The following NCOA3 variants were observed in gnomAD, a reference collection of about 807,000 sequenced individuals.
NCOA3 encodes nuclear receptor coactivator 3, also known as CBP-interacting protein.
In NCOA3, 51 loss-of-function variants were observed where a neutral mutation model predicts 158.8. The observed-to-expected ratio is 0.32, with a 90% confidence interval of 0.26 to 0.41. The LOEUF is 0.41. Among genes scored for constraint, NCOA3 ranks in the 10% least tolerant of loss-of-function variants. The pLI is 1.00. For synonymous variants in NCOA3, 537 were observed against 592.4 expected, an observed-to-expected ratio of 0.91 and a Z score of 1.36; for missense variants, 1,510 against 1,746.6, an observed-to-expected ratio of 0.86 and a Z score of 2.41.
At chr20:47,518,561 G>A (rs1249901632) in intron 1 of NCOA3, among the ~76,000 whole-genome samples, 1 of 151,654 alleles carries the variant, frequency 6.6e-6, no homozygotes, top group African/African-American at 2.4e-5. Context: ...GAGTAGCTGG[G>A]ATTACAGGCA....
chr20:47,535,544 T>C (rs1309128760), intron 1 of NCOA3, among the ~76,000 whole-genome samples: 1 of 151,316 alleles, frequency 6.6e-6, no homozygotes, highest in Non-Finnish European at 1.5e-5. Context: ...AGTCTCACTC[T>C]GTTGCCAGGC....
intron 2 of NCOA3, among the ~76,000 whole-genome samples, chr20:47,614,520 T>C (rs1003485754): frequency 4.6e-5 from 7 of 152,180 alleles, no homozygotes; most frequent in African/African-American, 1.7e-4. Context: ...ACCAAACCTC[T>C]CTCTAATTAG....
At chr20:47,509,826 C>G (rs866145619) in intron 1 of NCOA3, among the ~76,000 whole-genome samples, 2 of 152,238 alleles carry the variant, frequency 1.3e-5, no homozygotes, top group African/African-American at 4.8e-5. Flanking sequence ...CTTTAGTCTA[C>G]TACACACTCT....
chr20:47,566,576 A>G (rs2085198759), intron 1 of NCOA3, among the ~76,000 whole-genome samples: 1 of 151,940 alleles, frequency 6.6e-6, no homozygotes, highest in South Asian at 2.1e-4. Context: ...CAGTGGTGCC[A>G]TTTCAGCTCA....
At chr20:47,562,649 A>G (rs750750049) in intron 1 of NCOA3, among the ~76,000 whole-genome samples, 30 of 152,126 alleles carry the variant, frequency 2.0e-4, no homozygotes, top group Non-Finnish European at 3.5e-4. Flanking sequence ...CGGCCTAGGA[A>G]TGTATATAAA....
intron 1 of NCOA3, among the ~76,000 whole-genome samples, chr20:47,522,164 G>C (rs2084349484): frequency 7.0e-6 from 1 of 142,004 alleles, no homozygotes; most frequent in African/African-American, 2.6e-5. Context: ...GTGCAGTGGA[G>C]CGATCTCGGT....
intron 1 of NCOA3, among the ~76,000 whole-genome samples, chr20:47,568,792 T>C (rs1436691833): frequency 6.7e-6 from 1 of 149,152 alleles, no homozygotes; most frequent in African/African-American, 2.5e-5. Flanking sequence ...CCAGACTCTG[T>C]CTCAAAAAAA....
chr20:47,548,388 CAAA>C (rs1241835601), intron 1 of NCOA3, among the ~76,000 whole-genome samples: 2 of 151,272 alleles, frequency 1.3e-5, no homozygotes, highest in South Asian at 2.1e-4. Flanking sequence ...ACTAAAAATA[CAAA>C]AAATTAGCTG....
At chr20:47,604,707 G>A (rs2091023129) in intron 2 of NCOA3, among the ~76,000 whole-genome samples, 1 of 152,130 alleles carries the variant, frequency 6.6e-6, no homozygotes, top group Non-Finnish European at 1.5e-5. Flanking sequence ...CAAAGTGCTG[G>A]CAATGTAGGC....
In NCOA3 at chr20:47,627,945, G is replaced by A. The variant is rs1178514670; in HGVS notation, c.745G>A (p.Val249Met). Residue 249 changes from valine to methionine, a missense_variant, in exon 8 of 23, where the codon GTG (valine) becomes ATG (methionine). Physicochemically the swap from Val to Met is conservative, Grantham distance 21. Around this residue, in one of 4 missense-constraint regions of NCOA3, gnomAD observed 309 missense variants for 427.1 expected, o/e 0.72. Coordinates refer to ENST00000371998, the MANE Select transcript of NCOA3 (RefSeq NM_181659.3). ...AGATTTGCAATCTTGTATGATCTGT[G>A]TGGCACGCCGCATTACTACAGGAGA... The part of the protein sequence containing the change: ...GEDLQSCMIC[V>M]ARRITTGERT... 1.2e-6 allele frequency: 2 copies of A among 1,613,810 alleles called. No individual in the cohort carries two copies. Among genetic ancestry groups the A allele is most frequent in the South Asian group, 1.1e-5 (1 of 91,080 alleles).
intron 1 of NCOA3, among the ~76,000 whole-genome samples, chr20:47,517,451 C>CTTTTTTT (rs376699406): frequency 3.7e-4 from 48 of 129,272 alleles, no homozygotes; most frequent in South Asian, 7.2e-4. Flanking sequence ...TTTTCTTTTT[C>CTTTTTTT]TTTTTTTTTT....
In NCOA3 at chr20:47,561,901, A is replaced by G. The variant is rs6018546; in HGVS notation, c.-98-21282A>G. The stretch of plus-strand genomic sequence containing the variant: ...GTAGTTTCACTACCCTAAAAAATCT[A>G]TGCCCCACCTATTCATCCCCTCCTT... On this transcript the variant is annotated intron_variant, in intron 1 of 22. Transcript: ENST00000371998. 7.3e-3 allele frequency among the ~76,000 whole-genome samples: 1,107 copies of G among 152,228 alleles called. 22 individuals carry two copies. The highest frequency in any genetic ancestry group is 0.025 in the African/African-American group (1,045 of 41,544).
intron 1 of NCOA3, among the ~76,000 whole-genome samples, chr20:47,558,698 C>T (rs930906539): frequency 6.6e-6 from 1 of 152,000 alleles, no homozygotes; most frequent in Non-Finnish European, 1.5e-5. Flanking sequence ...CATTGTTTGG[C>T]ATTGGTTCAG....
intron 8 of NCOA3, 66 bp from the exon 9 acceptor site, chr20:47,633,430 G>A (rs1367994196): frequency 6.9e-7 from 1 of 1,454,888 alleles, no homozygotes; most frequent in Non-Finnish European, 9.4e-7. Flanking sequence ...GCTAAGCCAT[G>A]TGTAGGCAGC....
chr20:47,525,023 T>G (rs1405531308), intron 1 of NCOA3, among the ~76,000 whole-genome samples: 1 of 149,952 alleles, frequency 6.7e-6, no homozygotes, highest in African/African-American at 2.4e-5. Context: ...GGAGGGAAGG[T>G]CAGCAGATAA....
At position 47,582,399 on chromosome 20, in the gene NCOA3, T is replaced by C. The variant is rs72662727; in HGVS notation, c.-98-784T>C. Among the ~76,000 whole-genome samples the C allele has an allele frequency of 3.3e-3, 499 of 152,184 alleles. 1 individual carries two copies. Among genetic ancestry groups the C allele is most frequent in the Non-Finnish European group, 5.6e-3 (378 of 67,996 alleles). ...ACTAATTTTTTGTATTTTTAGTAGA[T>C]ATGGGGTTTCACCATGTTGACCAGG... is the stretch of plus-strand genomic sequence containing the variant. On this transcript the variant is annotated intron_variant, in intron 1 of 22. Coordinates refer to ENST00000371998, the MANE Select transcript of NCOA3 (RefSeq NM_181659.3).
At chr20:47,565,300 A>C (rs1038468612) in intron 1 of NCOA3, among the ~76,000 whole-genome samples, 3 of 152,066 alleles carry the variant, frequency 2.0e-5, no homozygotes, top group African/African-American at 7.2e-5. Context: ...TCTCTTAATG[A>C]GTGGCTGAGC....
At chr20:47,649,845 C>T (rs183409670) in intron 19 of NCOA3, among the ~76,000 whole-genome samples, 8 of 152,044 alleles carry the variant, frequency 5.3e-5, no homozygotes, top group Admixed American at 1.3e-4. Context: ...GGAGATGACC[C>T]GTAGCTAGTA....
At chr20:47,557,600 A>G (rs2425968) in intron 1 of NCOA3, among the ~76,000 whole-genome samples, 2,785 of 152,314 alleles carry the variant, frequency 0.018, 90 homozygotes, top group African/African-American at 0.063. Flanking sequence ...GAGAATGTAC[A>G]TATTTTCCTT....
Sources: allele counts gnomAD v4.1 joint callset (sites outside exome capture counted in the v4.1 genomes callset), GRCh38; gene constraint gnomAD v4.1.1; regional missense constraint gnomAD v4.1.1; transcripts MANE v1.5; gene names NCBI Gene and HGNC (gene_info 2026-07-23, HGNC 2026-07-21).